The following DNAH14 variants were observed in gnomAD, a reference collection of about 807,000 sequenced individuals.
DNAH14 encodes dynein axonemal heavy chain 14, also known as axonemal beta dynein heavy chain 14.
DNAH14 carries 478 observed loss-of-function variants against 520.9 expected under a neutral mutation model. That is an observed-to-expected ratio of 0.92 (90% CI 0.85 to 0.99). The LOEUF (loss-of-function observed/expected upper bound fraction) is 0.99, where lower values mean the gene tolerates loss of function less well. DNAH14 is among the 50% of genes least tolerant of loss of function. DNAH14 has a pLI of 0.00. For missense variants in DNAH14, 4,831 were observed against 5,234.5 expected (o/e 0.92, Z 2.38); for synonymous variants, 1,581 against 1,757.2 (o/e 0.90, Z 2.51).
chr1:225,324,743 G>A lies in DNAH14; in HGVS notation c.9634G>A (p.Gly3212Ser), dbSNP rs538663615. The A allele has an allele frequency of 8.3e-5, 128 of 1,550,998 alleles. No individual in the cohort carries two copies. The South Asian group carries it at 1.5e-3, about 18-fold the overall frequency. Residue 3212 changes from glycine (G) to serine (S), a missense_variant, in exon 64 of 86, where the codon GGC becomes AGC. Transcript: ENST00000682510. ...NNYHEVQKVV[G>S]PKQIQVAEAQ... ...TTCTGACATTCTCTTTAAGGTTGTG[G>A]GCCCTAAACAAATCCAAGTAGCTGA...
chr1:225,334,467 GC>G (rs139749663), intron 66 of DNAH14, among the ~76,000 whole-genome samples: 1,520 of 151,940 alleles, frequency 0.01, 33 homozygotes, highest in East Asian at 0.078. Context: ...CTACATTCCA[GC>G]CTAGGCTACT....
In DNAH14 at chr1:225,324,940, G is replaced by A. The variant is rs911940399; in HGVS notation, c.9723+108G>A. On this transcript the variant is annotated intron_variant, in intron 64 of 85. Coordinates refer to ENST00000682510, the MANE Select transcript of DNAH14 (RefSeq NM_001367479.1). ...TAAGATGGAAATAATAATATAGGTA[G>A]TGAAAAGATTAATTGTGAGGATTAA... is the stretch of plus-strand genomic sequence containing the variant. The A allele has an allele frequency of 1.1e-5, 7 of 651,162 alleles. No individual in the cohort carries two copies. The African/African-American group carries it at 1.3e-4, about 12-fold the overall frequency. The allele number at this position is 651,162 out of a possible 1,614,324, so 40.3% of individuals were successfully genotyped here.
chr1:224,954,904 T>A, intron 2 of DNAH14, 55 bp from the exon 3 acceptor site: 1 of 1,427,988 alleles, frequency 7.0e-7, no homozygotes, highest in Non-Finnish European at 9.6e-7. Flanking sequence ...AGCTCAGTAT[T>A]TTATTGGTGT....
At chr1:225,312,419 A>G (rs1574692391) in intron 60 of DNAH14, among the ~76,000 whole-genome samples, 1 of 152,208 alleles carries the variant, frequency 6.6e-6, no homozygotes, top group African/African-American at 2.4e-5. Context: ...CTCTCTTCCT[A>G]TTTGAATACA....
At chr1:224,945,890 G>A (rs998167316) in intron 1 of DNAH14, among the ~76,000 whole-genome samples, 1 of 152,296 alleles carries the variant, frequency 6.6e-6, no homozygotes, top group African/African-American at 2.4e-5. Flanking sequence ...TGAGGTGTCA[G>A]TCTGCCCCTA....
At chr1:225,289,641 A>C (rs2093821011) in intron 54 of DNAH14, among the ~76,000 whole-genome samples, 1 of 152,092 alleles carries the variant, frequency 6.6e-6, no homozygotes, top group South Asian at 2.1e-4. Flanking sequence ...CTTTCCAGTG[A>C]AATTTTCTCA....
chr1:224,934,745 A>G (rs2058915800), intron 1 of DNAH14, among the ~76,000 whole-genome samples: 1 of 151,922 alleles, frequency 6.6e-6, no homozygotes, highest in Non-Finnish European at 1.5e-5. Context: ...CAGACTGTCT[A>G]AAGTCAAAGA....
intron 83 of DNAH14, among the ~76,000 whole-genome samples, chr1:225,390,193 G>C (rs1464370602): frequency 6.6e-6 from 1 of 152,152 alleles, no homozygotes; most frequent in African/African-American, 2.4e-5. Context: ...TCCAAAGGCC[G>C]TGACAAAGGG....
chr1:225,146,403 A>G (rs1287119249), intron 30 of DNAH14, among the ~76,000 whole-genome samples: 1 of 152,196 alleles, frequency 6.6e-6, no homozygotes, highest in Non-Finnish European at 1.5e-5. Flanking sequence ...CTCAACTTGC[A>G]TTCAGCCCAC....
intron 10 of DNAH14, among the ~76,000 whole-genome samples, chr1:225,023,311 C>T (rs1297547828): frequency 6.7e-6 from 1 of 149,822 alleles, no homozygotes; most frequent in Non-Finnish European, 1.5e-5. Context: ...ATGTAATTTT[C>T]ATATTGTTAA....
At chr1:225,336,438 T>C (rs1011060781) in intron 66 of DNAH14, among the ~76,000 whole-genome samples, 2 of 152,004 alleles carry the variant, frequency 1.3e-5, no homozygotes, top group Non-Finnish European at 2.9e-5. Flanking sequence ...TCTAAATTTG[T>C]ACCTAATAAC....
In DNAH14 at chr1:225,322,085, C is replaced by CTTTTTTTTTTTTTTTTT. The variant is rs3047035; in HGVS notation, c.9336-572_9336-556dup. On this transcript the variant is annotated intron_variant, in intron 61 of 85. Coordinates refer to ENST00000682510, the MANE Select transcript of DNAH14 (RefSeq NM_001367479.1). ...TGAAGACTTTTCTTTTTTTTTCTTT[C>CTTTTTTTTTTTTTTTTT]TTTTTTTTTTTTTTTTTTTTTTTGA... 5.4e-4 allele frequency among the ~76,000 whole-genome samples: 49 copies of CTTTTTTTTTTTTTTTTT among 90,162 alleles called. 2 individuals are homozygous for CTTTTTTTTTTTTTTTTT. The highest frequency in any genetic ancestry group is 1.2e-3 in the Admixed American group (8 of 6,530). The allele number at this position is 90,162 out of a possible 152,430, so 59.1% of individuals were successfully genotyped here.
intron 25 of DNAH14, 66 bp from the exon 26 acceptor site, chr1:225,119,153 TG>T: frequency 2.4e-6 from 3 of 1,226,708 alleles, no homozygotes; most frequent in Non-Finnish European, 3.4e-6. Flanking sequence ...TCTACAGGCT[TG>T]TCAAAGGACT....
At chr1:225,276,679 C>G (rs1445668525) in intron 53 of DNAH14, among the ~76,000 whole-genome samples, 1 of 151,932 alleles carries the variant, frequency 6.6e-6, no homozygotes, top group Non-Finnish European at 1.5e-5. Context: ...AGGAGGATCA[C>G]TTGAGCCCAG....
chr1:224,991,253 C>T (rs2063024974), intron 8 of DNAH14, among the ~76,000 whole-genome samples: 2 of 143,144 alleles, frequency 1.4e-5, no homozygotes, highest in East Asian at 4.1e-4. Context: ...TGCCACCATG[C>T]CCAGCTAATT....
At chr1:225,052,591 A>G (rs568701865) in intron 17 of DNAH14, among the ~76,000 whole-genome samples, 6 of 152,326 alleles carry the variant, frequency 3.9e-5, no homozygotes, top group South Asian at 4.1e-4. Flanking sequence ...GATAGATTCA[A>G]TAGAGTCTAA....
At chr1:225,320,484 G>C (rs2094538567) in intron 61 of DNAH14, among the ~76,000 whole-genome samples, 1 of 152,120 alleles carries the variant, frequency 6.6e-6, no homozygotes, top group Admixed American at 6.6e-5. Context: ...ATCCTCCTTT[G>C]TTATATTGCT....
chr1:225,262,074 T>C (rs1411814120), intron 46 of DNAH14, among the ~76,000 whole-genome samples: 1 of 152,012 alleles, frequency 6.6e-6, no homozygotes, highest in African/African-American at 2.4e-5. Flanking sequence ...AATAAAGCTT[T>C]CCATAATATT....
intron 25 of DNAH14, 60 bp downstream of exon 25, chr1:225,118,059 C>T: frequency 7.6e-7 from 1 of 1,310,448 alleles, no homozygotes; most frequent in Non-Finnish European, 1.1e-6. Flanking sequence ...AAAATCTCTG[C>T]TTTGAAATTT....
Sources: gnomAD v4.1 joint callset for allele counts (sites outside exome capture counted in the v4.1 genomes callset) on GRCh38, gnomAD v4.1.1 for gene constraint, MANE v1.5 for transcripts, NCBI Gene and HGNC (gene_info 2026-07-23, HGNC 2026-07-21) for gene names.